The following LRMDA variants were observed in gnomAD, a reference collection of about 807,000 sequenced individuals.
LRMDA encodes the protein leucine-rich melanocyte differentiation-associated protein.
In LRMDA, 18 loss-of-function variants were observed where a neutral mutation model predicts 29.8. That is an observed-to-expected ratio of 0.60 (90% confidence interval 0.42 to 0.90). LRMDA has a LOEUF of 0.90. LRMDA is among the 40% of genes least tolerant of loss of function. The pLI, the probability that LRMDA is intolerant of heterozygous loss-of-function variation, is 0.00. For missense variants in LRMDA, 273 were observed against 273.9 expected, an observed-to-expected ratio of 1.00 and a Z score of 0.02; for synonymous variants, 125 against 109.4, an observed-to-expected ratio of 1.14 and a Z score of -0.89.
At chr10:75,461,752 C>G (rs1263899107) in intron 2 of LRMDA, among the ~76,000 whole-genome samples, 1 of 152,212 alleles carries the variant, frequency 6.6e-6, no homozygotes, top group Non-Finnish European at 1.5e-5. Context: ...CTGCAGAACA[C>G]CTCGTGGGGA....
chr10:76,070,634 ACAG>A (rs1210013000), intron 5 of LRMDA, among the ~76,000 whole-genome samples: 1 of 152,220 alleles, frequency 6.6e-6, no homozygotes, highest in Non-Finnish European at 1.5e-5. Flanking sequence ...CATTCAGTCC[ACAG>A]CAGGGGGCAT....
intron 2 of LRMDA, among the ~76,000 whole-genome samples, chr10:75,517,065 G>C (rs1157818816): frequency 6.6e-6 from 1 of 152,072 alleles, no homozygotes; most frequent in Non-Finnish European, 1.5e-5. Context: ...CTATCTCTCT[G>C]TTTTGGTACC....
At chr10:76,547,039 A>G (rs188853900) in intron 6 of LRMDA, among the ~76,000 whole-genome samples, 3 of 152,260 alleles carry the variant, frequency 2.0e-5, no homozygotes, top group Admixed American at 1.3e-4. Context: ...AATGCTAGGT[A>G]GATTTGTGGG....
intron 5 of LRMDA, among the ~76,000 whole-genome samples, chr10:76,144,837 G>A (rs1346013903): frequency 1.3e-5 from 2 of 152,042 alleles, no homozygotes. Flanking sequence ...GTTTGTCATA[G>A]ATAGCTCTTA....
intron 5 of LRMDA, among the ~76,000 whole-genome samples, chr10:76,200,576 A>C: frequency 6.6e-6 from 1 of 152,122 alleles, no homozygotes; most frequent in East Asian, 1.9e-4. Context: ...CATGCTGTAA[A>C]GTCTTATTTC....
intron 5 of LRMDA, among the ~76,000 whole-genome samples, chr10:76,248,613 G>A (rs1209879177): frequency 1.3e-5 from 2 of 152,194 alleles, no homozygotes; most frequent in Non-Finnish European, 2.9e-5. Context: ...GGATCAAGGT[G>A]GAAAGTCAGA....
chr10:76,242,904 A>G (rs1185068574), intron 5 of LRMDA, among the ~76,000 whole-genome samples: 3 of 152,178 alleles, frequency 2.0e-5, no homozygotes, highest in African/African-American at 7.2e-5. Context: ...GTTTTCTCTC[A>G]GATATGAGAT....
intron 6 of LRMDA, among the ~76,000 whole-genome samples, chr10:76,345,028 T>TTA (rs1554869692): frequency 2.7e-5 from 4 of 146,856 alleles, no homozygotes; most frequent in East Asian, 4.0e-4. Flanking sequence ...TGATTTTATT[T>TTA]AAAAAAAACC....
intron 2 of LRMDA, among the ~76,000 whole-genome samples, chr10:76,013,641 C>A (rs185221572): frequency 1.3e-5 from 2 of 152,076 alleles, no homozygotes; most frequent in Admixed American, 6.5e-5. Context: ...ATGACAGTTC[C>A]TTACAAGTCC....
rs563094205 is a variant in LRMDA at position 76,203,297 on chromosome 10, G to T, written c.517-121104G>T. On this transcript the variant is annotated intron_variant, in intron 5 of 6. Coordinates refer to ENST00000611255, the MANE Select transcript of LRMDA (RefSeq NM_001305581.2). ...AAGAATGGAGCAAATAATTTCAAAG[G>T]GTTTAAAAAAAATGTTTTTGAATAG... 7.2e-5 allele frequency among the ~76,000 whole-genome samples: 11 copies of T among 152,094 alleles called. No homozygotes were observed. In the East Asian group the frequency reaches 2.1e-3, roughly 29 times the overall value.
At chr10:76,543,046 G>C (rs1164068777) in intron 6 of LRMDA, among the ~76,000 whole-genome samples, 1 of 152,088 alleles carries the variant, frequency 6.6e-6, no homozygotes, top group Non-Finnish European at 1.5e-5. Flanking sequence ...AGGCTCACAA[G>C]GTGTCTCCAT....
At chr10:75,697,850 T>TGTGTGTGTGTGTGTGCGCGC (rs10664076) in intron 2 of LRMDA, among the ~76,000 whole-genome samples, 2,360 of 151,696 alleles carry the variant, frequency 0.016, 31 homozygotes, top group Non-Finnish European at 0.023. Context: ...TGTGTGTGTG[T>TGTGTGTGTGTGTGTGCGCGC]GCGTGTGTGT....
rs1231472240 is a variant in LRMDA, at chr10:76,179,324, CT to C, written c.516+120548del. ...TACAGAATCCTAGACCTGAAAGGAG[CT>C]TTTTTTCAAGCATGTAGCTGGCCTA... is the stretch of plus-strand genomic sequence containing the variant. On this transcript the variant is annotated intron_variant, in intron 5 of 6. Coordinates refer to ENST00000611255, the MANE Select transcript of LRMDA (RefSeq NM_001305581.2). Among the ~76,000 whole-genome samples, 7 of 152,046 alleles carry C rather than the reference CT, an allele frequency of 4.6e-5. No individual in the cohort carries two copies. In the South Asian group the frequency reaches 6.2e-4, roughly 14 times the overall value.
chr10:75,777,925 A>G (rs1843334071), intron 2 of LRMDA, among the ~76,000 whole-genome samples: 1 of 152,212 alleles, frequency 6.6e-6, no homozygotes, highest in African/African-American at 2.4e-5. Flanking sequence ...TATGATGTAT[A>G]ATGTATAATT....
chr10:75,884,109 T>C (rs977201271), intron 2 of LRMDA, among the ~76,000 whole-genome samples: 5 of 152,056 alleles, frequency 3.3e-5, no homozygotes, highest in African/African-American at 1.2e-4. Flanking sequence ...TATTGAATAT[T>C]GAAGTTTGTT....
At chr10:76,207,208 C>T (rs186399730) in intron 5 of LRMDA, among the ~76,000 whole-genome samples, 17 of 152,324 alleles carry the variant, frequency 1.1e-4, no homozygotes, top group African/African-American at 3.1e-4. Flanking sequence ...AAAACACTTG[C>T]TCTGAACAGT....
At chr10:76,107,138 G>T (rs556671947) in intron 5 of LRMDA, among the ~76,000 whole-genome samples, 4 of 152,196 alleles carry the variant, frequency 2.6e-5, no homozygotes, top group Admixed American at 1.3e-4. Context: ...CTGATCAGTT[G>T]CTCTGGCTGG....
intron 5 of LRMDA, among the ~76,000 whole-genome samples, chr10:76,120,989 C>T (rs1242075292): frequency 4.6e-5 from 7 of 151,946 alleles, no homozygotes; most frequent in African/African-American, 9.7e-5. Flanking sequence ...CCCGCCACCA[C>T]GCCTGGCTAA....
chr10:75,704,438 A>G (rs1016758723), intron 2 of LRMDA, among the ~76,000 whole-genome samples: 1 of 152,326 alleles, frequency 6.6e-6, no homozygotes, highest in Admixed American at 6.5e-5. Context: ...AACATACCTC[A>G]AATGATGAGT....
Sources: allele counts gnomAD v4.1 joint callset (sites outside exome capture counted in the v4.1 genomes callset), GRCh38; gene constraint gnomAD v4.1.1; transcripts MANE v1.5; gene names NCBI Gene and HGNC (gene_info 2026-07-23, HGNC 2026-07-21).